PRRC2B: variants seen among roughly 807,000 people sequenced by gnomAD.
PRRC2B encodes the protein proline rich coiled-coil 2B, also known as protein PRRC2B.
A neutral mutation model predicts 242.3 loss-of-function variants in PRRC2B; 68 were observed. The ratio of observed to expected loss-of-function variants is 0.28; its 90% CI spans 0.23 to 0.34. The LOEUF is 0.34. Among genes scored for constraint, PRRC2B ranks in the 10% least tolerant of loss-of-function variants. The pLI is 1.00. For synonymous variants in PRRC2B, 1,228 were observed against 1,173.6 expected, an observed-to-expected ratio of 1.05 and a Z score of -0.95; for missense variants, 2,835 against 2,954.8, an observed-to-expected ratio of 0.96 and a Z score of 0.94.
Position 131,482,858 on chromosome 9 carries a change from T to C in PRRC2B, c.5324T>C (p.Val1775Ala). ...VPPVNGVEIH[V>A]DSVLPVPPIE... ...CCTGTTAACGGGGTGGAGATTCACG[T>C]GGACTCCGTGCTGCCTGTGCCACCC... is the stretch of plus-strand genomic sequence containing the variant. Residue 1775 changes from valine to alanine, a missense_variant, in exon 22 of 32, where the codon GTG (valine) becomes GCG (alanine). Coordinates refer to ENST00000683519, the MANE Select transcript of PRRC2B (RefSeq NM_013318.4). This position sits in a 1 kb window ranked among gnomAD's most constrained non-coding sequence, Gnocchi z 5.2. 1 of 1,608,612 alleles carries C rather than the reference T, an allele frequency of 6.2e-7. No individual in the cohort carries two copies. The highest frequency in any genetic ancestry group is 2.2e-5 in the East Asian group (1 of 44,684).
chr9:131,458,930 C>T (rs1416904), intron 10 of PRRC2B, among the ~76,000 whole-genome samples: 134,361 of 152,260 alleles, frequency 0.88, 59,787 homozygotes, highest in South Asian at 0.97. Flanking sequence ...CTTTTTTTTG[C>T]ATCGGTGAAA....
At chr9:131,393,881 CCCCCTCCCGCCGCTCCCCG>C (rs1370029427), upstream of PRRC2B, among the ~76,000 whole-genome samples, 1 of 151,068 alleles carries the variant, frequency 6.6e-6, no homozygotes, top group East Asian at 1.9e-4. Flanking sequence ...CCCCTCCCAG[CCCCCTCCCGCCGCTCCCCG>C]CCCCTCCCCC....
intron 1 of PRRC2B, among the ~76,000 whole-genome samples, chr9:131,387,456 A>G (rs1326139474): frequency 6.7e-6 from 1 of 150,290 alleles, no homozygotes; most frequent in Non-Finnish European, 1.5e-5. Context: ...ACCCAGGATT[A>G]ATACTTTATA....
intron 1 of PRRC2B, among the ~76,000 whole-genome samples, chr9:131,421,717 T>A (rs556197817): frequency 1.2e-4 from 19 of 152,306 alleles, no homozygotes; most frequent in African/African-American, 4.6e-4. Context: ...GGTGCCCACA[T>A]GTGAAGAGTG....
At chr9:131,403,313 TA>T (rs1188345269) in intron 1 of PRRC2B, among the ~76,000 whole-genome samples, 1 of 152,160 alleles carries the variant, frequency 6.6e-6, no homozygotes, top group Non-Finnish European at 1.5e-5. Context: ...TTGTTTTTGG[TA>T]AAATGTTAAT....
chr9:131,424,754 A>G (rs1588243562), intron 1 of PRRC2B, among the ~76,000 whole-genome samples: 1 of 152,192 alleles, frequency 6.6e-6, no homozygotes, highest in South Asian at 2.1e-4. Context: ...TTAAGTGCAG[A>G]TGTTAGTCCA....
At chr9:131,479,463 G>C in intron 19 of PRRC2B, 70 bp downstream of exon 19, 1 of 1,481,936 alleles carries the variant, frequency 6.7e-7, no homozygotes, top group Non-Finnish European at 9.2e-7. Flanking sequence ...TGCTTCTGGG[G>C]AGGATCCTGC....
At chr9:131,375,292 G>C (rs1349567102) in intron 1 of PRRC2B, among the ~76,000 whole-genome samples, 2 of 152,060 alleles carry the variant, frequency 1.3e-5, no homozygotes, top group Non-Finnish European at 2.9e-5. Flanking sequence ...CCAGCTACTC[G>C]GGAGGCTAAG....
At chr9:131,451,873 T>A (rs1386502359) in intron 9 of PRRC2B, among the ~76,000 whole-genome samples, 1 of 152,320 alleles carries the variant, frequency 6.6e-6, no homozygotes, top group East Asian at 1.9e-4. Flanking sequence ...CATTTTTTTT[T>A]AATGCTAAAC....
Position 131,465,817 on chromosome 9 carries a change from C to T in PRRC2B, c.1720+739C>T, listed in dbSNP as rs377554938. On this transcript the variant is annotated intron_variant, in intron 12 of 31. Coordinates refer to ENST00000683519, the MANE Select transcript of PRRC2B (RefSeq NM_013318.4). ...TCTGCTCACTGCAACCTCTGCCTGCCGGGTTCAAGCGATTTTCCCAGCTCA... is the reference window on the plus strand; with the variant it reads ...TCTGCTCACTGCAACCTCTGCCTGCTGGGTTCAAGCGATTTTCCCAGCTCA... Among the ~76,000 whole-genome samples, 44 of 152,236 alleles carry T rather than the reference C, an allele frequency of 2.9e-4. No individual in the cohort carries two copies. The South Asian group carries it at 3.1e-3, about 11-fold the overall frequency.
chr9:131,469,765 A>G (rs1943489249), intron 13 of PRRC2B, among the ~76,000 whole-genome samples: 1 of 152,216 alleles, frequency 6.6e-6, no homozygotes, highest in Admixed American at 6.5e-5. Context: ...AGGGTCTGAA[A>G]TGAACCCTCC....
At chr9:131,409,404 G>T (rs1028441401) in intron 1 of PRRC2B, among the ~76,000 whole-genome samples, 1 of 151,756 alleles carries the variant, frequency 6.6e-6, no homozygotes, top group African/African-American at 2.4e-5. Flanking sequence ...GGCTGGTCTC[G>T]AACGCCTGAC....
intron 1 of PRRC2B, among the ~76,000 whole-genome samples, chr9:131,399,662 A>C (rs2131281406): frequency 6.6e-6 from 1 of 152,318 alleles, no homozygotes; most frequent in East Asian, 1.9e-4. Flanking sequence ...AGCTAACTGC[A>C]GTAAAGTTGC....
At chr9:131,450,337 G>A (rs564735770) in intron 9 of PRRC2B, among the ~76,000 whole-genome samples, 187 of 148,854 alleles carry the variant, frequency 1.3e-3, no homozygotes, top group African/African-American at 4.5e-3. Context: ...GCATGATCTC[G>A]ACTCATTGCA....
At chr9:131,459,970 C>CAAAAA (rs34696844) in intron 11 of PRRC2B, among the ~76,000 whole-genome samples, 57 of 87,072 alleles carry the variant, frequency 6.5e-4, no homozygotes, top group African/African-American at 2.2e-3. Flanking sequence ...ACCCTATCTC[C>CAAAAA]AAAAAAAAAA....
At position 131,487,168 on chromosome 9, in the gene PRRC2B, C is replaced by T; in HGVS notation, c.5858C>T (p.Ala1953Val). 1 of 1,613,462 alleles carries T rather than the reference C, an allele frequency of 6.2e-7. No homozygotes were observed. Among genetic ancestry groups the T allele is most frequent in the Non-Finnish European group, 8.5e-7 (1 of 1,179,670 alleles). Reference sequence around the variant, plus strand: ...CCGACCCCGTTTTCCCGTTCACAGGCCGCCGCTGCCCAGCAGATCCCGATC... The same window carrying T: ...CCGACCCCGTTTTCCCGTTCACAGGTCGCCGCTGCCCAGCAGATCCCGATC... The part of the protein sequence containing the change: ...TIPQQQSYQQ[A>V]AAAQQIPISL... Residue 1953 changes from alanine (A) to valine (V), a missense_variant and splice_region_variant, in exon 27 of 32, where the codon GCC (alanine) becomes GTC (valine). By Grantham distance (64) the Ala-to-Val change is moderately conservative. Transcript: ENST00000683519. The surrounding 1 kb of genome is among the most constrained non-coding windows in gnomAD (Gnocchi z 5.3).
At chr9:131,403,825 A>G (rs1837288005) in intron 1 of PRRC2B, among the ~76,000 whole-genome samples, 1 of 152,188 alleles carries the variant, frequency 6.6e-6, no homozygotes, top group Admixed American at 6.5e-5. Flanking sequence ...GGTTTTTTAA[A>G]AAACAAAAAT....
chr9:131,487,547 C>T lies in PRRC2B; in HGVS notation c.5984+253C>T, dbSNP rs1243993104. Among the ~76,000 whole-genome samples the T allele has an allele frequency of 6.6e-6, 1 of 152,154 alleles. No individual in the cohort carries two copies. The highest frequency in any genetic ancestry group is 1.9e-4 in the East Asian group (1 of 5,200). ...ATCTTGCCTCCTTTCCTTGCTCCTTCCTCCTCCTCTCCCCTTGACTCCCTG... is the reference window on the plus strand; with the variant it reads ...ATCTTGCCTCCTTTCCTTGCTCCTTTCTCCTCCTCTCCCCTTGACTCCCTG... On this transcript the variant is annotated intron_variant, in intron 27 of 31. Transcript: ENST00000683519. The surrounding 1 kb of genome is among the most constrained non-coding windows in gnomAD (Gnocchi z 5.3).
Position 131,477,887 on chromosome 9 carries a change from T to G in PRRC2B, c.4550T>G (p.Leu1517Trp), listed in dbSNP as rs751180492. Residue 1517 changes from leucine (L) to tryptophan (W), a missense_variant, in exon 17 of 32, where the codon TTG (leucine) becomes TGG (tryptophan). By Grantham distance (61) the Leu-to-Trp change is moderately conservative. Around this residue, in one of 7 missense-constraint regions of PRRC2B, gnomAD observed 1,536 missense variants for 1,483.1 expected, o/e 1.04. Coordinates refer to ENST00000683519, the MANE Select transcript of PRRC2B (RefSeq NM_013318.4). The part of the protein sequence containing the change: ...SSKKAEKEAK[L>W]AAPRAGEQGE... Reference sequence around the variant, plus strand: ...AAAAAGGCAGAGAAGGAGGCCAAGTTGGCTGCTCCGAGGGCAGGTGAACAG... The same window carrying G: ...AAAAAGGCAGAGAAGGAGGCCAAGTGGGCTGCTCCGAGGGCAGGTGAACAG... 1 of 1,613,976 alleles carries G rather than the reference T, an allele frequency of 6.2e-7. No individual in the cohort carries two copies. Among genetic ancestry groups the G allele is most frequent in the Non-Finnish European group, 8.5e-7 (1 of 1,179,878 alleles).
Sources: allele counts gnomAD v4.1 joint callset (sites outside exome capture counted in the v4.1 genomes callset), GRCh38; gene constraint gnomAD v4.1.1; regional missense constraint gnomAD v4.1.1; non-coding constraint Gnocchi (gnomAD v3.1); transcripts MANE v1.5; gene names NCBI Gene and HGNC (gene_info 2026-07-23, HGNC 2026-07-21).